Variants in RAP1GAP observed in about 807,000 individuals in gnomAD.
The protein encoded by RAP1GAP is rap1 GTPase-activating protein 1.
RAP1GAP carries 35 observed loss-of-function variants against 87.2 expected under a neutral mutation model. That is an observed-to-expected ratio of 0.40 (90% CI 0.31 to 0.53). The LOEUF (loss-of-function observed/expected upper bound fraction) is 0.53, where lower values mean the gene tolerates loss of function less well. RAP1GAP is among the 20% of genes least tolerant of loss of function. The pLI is 0.48. For missense variants in RAP1GAP, 734 were observed against 898.9 expected (o/e 0.82, Z 2.35); for synonymous variants, 375 against 363.9 (o/e 1.03, Z -0.35).
intron 3 of RAP1GAP, among the ~76,000 whole-genome samples, chr1:21,621,714 C>A (rs1179414553): frequency 6.6e-6 from 1 of 152,236 alleles, no homozygotes; most frequent in Non-Finnish European, 1.5e-5. Flanking sequence ...GTCAGCCACA[C>A]AACCTCAGCT....
chr1:21,652,028 G>A (rs2096615867), intron 1 of RAP1GAP: 1 of 211,608 alleles, frequency 4.7e-6, no homozygotes, highest in Non-Finnish European at 8.2e-6. Context: ...GCCGGGCGGG[G>A]GCTTCGCGGG....
At chr1:21,633,171 G>A (rs772944227) in intron 2 of RAP1GAP, among the ~76,000 whole-genome samples, 1 of 152,190 alleles carries the variant, frequency 6.6e-6, no homozygotes, top group Admixed American at 6.5e-5. Context: ...CAGAAGTGTG[G>A]TGGGGCTGTC....
chr1:21,647,296 A>G (rs753277132), intron 2 of RAP1GAP, among the ~76,000 whole-genome samples: 1 of 152,170 alleles, frequency 6.6e-6, no homozygotes, highest in African/African-American at 2.4e-5. Context: ...CCTTGTCTCT[A>G]CTAAAAATAC....
intron 13 of RAP1GAP, 64 bp from the exon 14 acceptor site, chr1:21,610,339 C>A: frequency 1.3e-6 from 2 of 1,583,806 alleles, no homozygotes; most frequent in African/African-American, 2.7e-5. Flanking sequence ...AGAGGGGTGC[C>A]CACGGGGGTT....
At chr1:21,645,350 C>T (rs911948566) in intron 2 of RAP1GAP, among the ~76,000 whole-genome samples, 1 of 152,072 alleles carries the variant, frequency 6.6e-6, no homozygotes, top group African/African-American at 2.4e-5. Flanking sequence ...CATGGTGGCT[C>T]ACGCTTGTAA....
At position 21,610,132 on chromosome 1, in the gene RAP1GAP, G is replaced by C. The variant is rs951955443; in HGVS notation, c.987C>G (p.Gly329=). 11 of 1,613,680 alleles carry C rather than the reference G, an allele frequency of 6.8e-6. No homozygotes were observed. Among genetic ancestry groups the C allele is most frequent in the Non-Finnish European group, 9.3e-6 (11 of 1,179,916 alleles). ...CAAGAGCGCCCACCTTGTAGAGGGG[G>C]CCATCAGGGCCCCCGCCCTCAGCCT... ...VVQAEGGGPD[G]PLYKVSVTAR... The change falls in exon 14 of 25, where the codon GGC becomes GGG. Residue 329 remains glycine (G), a synonymous_variant. Transcript: ENST00000374765.
intron 21 of RAP1GAP, 36 bp downstream of exon 21, chr1:21,599,458 C>G: frequency 6.3e-7 from 1 of 1,588,114 alleles, no homozygotes; most frequent in Middle Eastern, 1.7e-4. Flanking sequence ...CCCTTCCAAG[C>G]TCCTGTGGGG....
At chr1:21,610,079 G>A (rs2077271530) in intron 14 of RAP1GAP, 41 bp downstream of exon 14, 1 of 1,604,664 alleles carries the variant, frequency 6.2e-7, no homozygotes, top group South Asian at 1.1e-5. Context: ...CTGCAGCCAG[G>A]GCCCTTGCTG....
In RAP1GAP at chr1:21,601,725, T is replaced by G. The variant is rs1042611480; in HGVS notation, c.1611A>C (p.Ser537=). ...GCATCTCTGGGGAGCTCTGAGTGGA[T>G]GAGTTCTCCGACTTGGGCTCCTGTG... ...HVSQEPKSEN[S]STQSSPEMPT... Residue 537 remains serine (S), a synonymous_variant, in exon 20 of 25, where the codon TCA becomes TCC. Transcript: ENST00000374765. The G allele has an allele frequency of 5.0e-6, 8 of 1,612,316 alleles. No homozygotes were observed. The highest frequency in any genetic ancestry group is 4.0e-5 in the African/African-American group (3 of 74,918).
At chr1:21,641,413 C>T (rs2095513220) in intron 2 of RAP1GAP, among the ~76,000 whole-genome samples, 1 of 152,212 alleles carries the variant, frequency 6.6e-6, no homozygotes, top group East Asian at 1.9e-4. Flanking sequence ...CAGCTCCTTC[C>T]CATTCAGGCC....
Position 21,609,187 on chromosome 1 carries a change from T to C in RAP1GAP, c.1072-251A>G, listed in dbSNP as rs1570601337. ...AACTCCACAGATGTTAGGGTCTGGG[T>C]TGGGGTCTCAACCTACTGCTTCAGT... is the stretch of plus-strand genomic sequence containing the variant. On this transcript the variant is annotated intron_variant, in intron 15 of 24. Coordinates refer to ENST00000374765, the MANE Select transcript of RAP1GAP (RefSeq NM_002885.4). The surrounding 1 kb of genome is among the most constrained non-coding windows in gnomAD (Gnocchi z 4.4). Among the ~76,000 whole-genome samples, 2 of 151,938 alleles carry C rather than the reference T, an allele frequency of 1.3e-5. No individual in the cohort carries two copies. The highest frequency in any genetic ancestry group is 2.9e-5 in the Non-Finnish European group (2 of 67,994).
Position 21,609,662 on chromosome 1 carries a change from G to A in RAP1GAP, c.1000-16C>T. On this transcript the variant is annotated splice_polypyrimidine_tract_variant and intron_variant, in intron 14 of 24. Coordinates refer to ENST00000374765, the MANE Select transcript of RAP1GAP (RefSeq NM_002885.4). This position sits in a 1 kb window ranked among gnomAD's most constrained non-coding sequence, Gnocchi z 4.4. Reference sequence around the variant, plus strand: ...TGACAGAGACCTGGAAGGGAGGGCAGCTGTCTGTTCCTGTGGAGCCTGGGG... The same window carrying A: ...TGACAGAGACCTGGAAGGGAGGGCAACTGTCTGTTCCTGTGGAGCCTGGGG... 2 of 1,556,382 alleles carry A rather than the reference G, an allele frequency of 1.3e-6. No individual in the cohort carries two copies. Among genetic ancestry groups the A allele is most frequent in the South Asian group, 1.3e-5 (1 of 78,512 alleles).
At chr1:21,626,471 C>G (rs551581634) in intron 2 of RAP1GAP, 74 bp from the exon 3 acceptor site, 1 of 1,225,964 alleles carries the variant, frequency 8.2e-7, no homozygotes, top group Non-Finnish European at 1.2e-6. Context: ...GAGTCACTCT[C>G]AGAGCTGGGG....
chr1:21,642,098 G>A (rs1234203306), intron 2 of RAP1GAP, among the ~76,000 whole-genome samples: 1 of 152,240 alleles, frequency 6.6e-6, no homozygotes, highest in East Asian at 1.9e-4. Context: ...CACTGGCCAG[G>A]ACCTGGCACC....
chr1:21,618,748 G>T (rs945847293), intron 5 of RAP1GAP, among the ~76,000 whole-genome samples: 1 of 152,104 alleles, frequency 6.6e-6, no homozygotes, highest in Admixed American at 6.5e-5. Context: ...GGAGAGGCAG[G>T]GGGAGTCTGC....
At chr1:21,621,982 T>C (rs1466013592) in intron 3 of RAP1GAP, among the ~76,000 whole-genome samples, 1 of 152,150 alleles carries the variant, frequency 6.6e-6, no homozygotes, top group Non-Finnish European at 1.5e-5. Context: ...GGGGTCCAGA[T>C]GGGGGGTGCC....
intron 1 of RAP1GAP, among the ~76,000 whole-genome samples, chr1:21,655,296 A>T (rs1188027110): frequency 6.6e-6 from 1 of 152,240 alleles, no homozygotes; most frequent in African/African-American, 2.4e-5. Context: ...TTGATAAATT[A>T]TGGTCCATGT....
At chr1:21,626,280 G>A (rs545475171) in intron 3 of RAP1GAP, 24 bp downstream of exon 3, 42 of 1,559,224 alleles carry the variant, frequency 2.7e-5, no homozygotes, top group African/African-American at 8.1e-5. Flanking sequence ...ACCAGGGGCC[G>A]TAGGTATGGA....
intron 2 of RAP1GAP, among the ~76,000 whole-genome samples, chr1:21,648,512 A>G (rs1209610149): frequency 2.6e-5 from 4 of 151,362 alleles, no homozygotes; most frequent in South Asian, 2.1e-4. Context: ...CTGTAATTAG[A>G]GATAATAGTC....
Sources: gnomAD v4.1 joint callset for allele counts (sites outside exome capture counted in the v4.1 genomes callset) on GRCh38, gnomAD v4.1.1 for gene constraint, Gnocchi (gnomAD v3.1) non-coding constraint, MANE v1.5 for transcripts, NCBI Gene and HGNC (gene_info 2026-07-23, HGNC 2026-07-21) for gene names.